The following FHIT variants were observed in gnomAD, a reference collection of about 807,000 sequenced individuals.
The protein encoded by FHIT is bis(5'-adenosyl)-triphosphatase.
A neutral mutation model predicts 17.9 loss-of-function variants in FHIT; 19 were observed. The ratio of observed to expected loss-of-function variants is 1.06; its 90% CI spans 0.74 to 1.56. FHIT has a LOEUF of 1.56. Among genes scored for constraint, FHIT ranks in the 40% most tolerant of loss-of-function variants. The probability of loss-of-function intolerance (pLI) is 0.00; values close to 1 mark genes in which losing one functional copy is unlikely to be tolerated. For synonymous variants in FHIT, 81 were observed against 69.7 expected, an observed-to-expected ratio of 1.16 and a Z score of -0.81; for missense variants, 248 against 189.2, an observed-to-expected ratio of 1.31 and a Z score of -1.82.
chr3:61,202,067 TAC>T (rs143994045), intron 1 of FHIT, among the ~76,000 whole-genome samples: 258 of 148,374 alleles, frequency 1.7e-3, no homozygotes, highest in African/African-American at 3.6e-3. Flanking sequence ...CGCACATAGA[TAC>T]ACACACACAC....
At chr3:60,122,567 G>C (rs1274729674) in intron 5 of FHIT, among the ~76,000 whole-genome samples, 1 of 152,100 alleles carries the variant, frequency 6.6e-6, no homozygotes, top group African/African-American at 2.4e-5. Flanking sequence ...ACCTCTAAGA[G>C]ATCATTTTAT....
At chr3:59,848,255 T>C (rs1280770214) in intron 8 of FHIT, among the ~76,000 whole-genome samples, 6 of 152,164 alleles carry the variant, frequency 3.9e-5, no homozygotes, top group Admixed American at 2.6e-4. Context: ...TTTGTGCCCC[T>C]TTCCCTGGAA....
At chr3:61,158,427 C>T (rs1180435339) in intron 2 of FHIT, among the ~76,000 whole-genome samples, 1 of 149,892 alleles carries the variant, frequency 6.7e-6, no homozygotes, top group African/African-American at 2.5e-5. Context: ...CAGAATATAA[C>T]TCTCTCTAGG....
At chr3:61,043,551 G>T (rs1371445788) in intron 2 of FHIT, among the ~76,000 whole-genome samples, 1 of 152,222 alleles carries the variant, frequency 6.6e-6, no homozygotes, top group East Asian at 1.9e-4. Flanking sequence ...ACCTCTGGGG[G>T]CAGGGCACAG....
At chr3:59,955,446 C>A (rs544563163) in intron 7 of FHIT, among the ~76,000 whole-genome samples, 2 of 152,336 alleles carry the variant, frequency 1.3e-5, no homozygotes, top group South Asian at 4.1e-4. Context: ...CAGCGACACA[C>A]TTTTCTCATT....
intron 5 of FHIT, among the ~76,000 whole-genome samples, chr3:60,214,236 G>A (rs1001651569): frequency 1.3e-5 from 2 of 152,182 alleles, no homozygotes; most frequent in East Asian, 3.9e-4. Context: ...AATTGTATTA[G>A]TCTAATCACC....
chr3:61,234,366 T>C (rs1279070315), intron 1 of FHIT, among the ~76,000 whole-genome samples: 3 of 152,200 alleles, frequency 2.0e-5, no homozygotes, highest in Non-Finnish European at 2.9e-5. Context: ...ACCTATATGT[T>C]GACCAAGTGG....
intron 5 of FHIT, among the ~76,000 whole-genome samples, chr3:60,390,502 G>GAGAAA (rs1311884050): frequency 6.8e-6 from 1 of 146,940 alleles, no homozygotes; most frequent in Non-Finnish European, 1.5e-5. Context: ...ATTTATAAAA[G>GAGAAA]AGAAATAAAA....
intron 4 of FHIT, among the ~76,000 whole-genome samples, chr3:60,816,895 T>C (rs1701759681): frequency 6.6e-6 from 1 of 152,034 alleles, no homozygotes; most frequent in Non-Finnish European, 1.5e-5. Context: ...GTCTGATTAC[T>C]GATATGGTTG....
At chr3:60,118,019 A>C (rs1705055725) in intron 5 of FHIT, among the ~76,000 whole-genome samples, 1 of 152,212 alleles carries the variant, frequency 6.6e-6, no homozygotes, top group African/African-American at 2.4e-5. Flanking sequence ...TGATGATCCA[A>C]GCGGTGAGTT....
chr3:60,169,303 T>C (rs898110234), intron 5 of FHIT, among the ~76,000 whole-genome samples: 38 of 152,168 alleles, frequency 2.5e-4, no homozygotes, highest in Non-Finnish European at 5.4e-4. Flanking sequence ...GGTACTGTAA[T>C]ACCCTGAAAA....
At chr3:60,167,025 C>T (rs181048784) in intron 5 of FHIT, among the ~76,000 whole-genome samples, 86 of 152,296 alleles carry the variant, frequency 5.6e-4, no homozygotes, top group African/African-American at 1.9e-3. Flanking sequence ...CCATGCTTTG[C>T]ATGGGAACTC....
chr3:61,116,527 C>T (rs1045471885), intron 2 of FHIT, among the ~76,000 whole-genome samples: 5 of 151,988 alleles, frequency 3.3e-5, no homozygotes, highest in Non-Finnish European at 7.4e-5. Flanking sequence ...AATCACTCTT[C>T]GTTCCTACAA....
intron 2 of FHIT, among the ~76,000 whole-genome samples, chr3:61,094,934 T>C (rs1249594431): frequency 6.6e-6 from 1 of 152,216 alleles, no homozygotes; most frequent in African/African-American, 2.4e-5. Context: ...TGGAATTTTA[T>C]AGTTAATATT....
At chr3:59,816,609 T>C (rs745868536) in intron 8 of FHIT, among the ~76,000 whole-genome samples, 3 of 152,004 alleles carry the variant, frequency 2.0e-5, no homozygotes, top group Non-Finnish European at 4.4e-5. Flanking sequence ...AGCAGGAAAG[T>C]GGAGCATGAA....
At chr3:60,461,617 C>A (rs1319367131) in intron 5 of FHIT, among the ~76,000 whole-genome samples, 1 of 152,146 alleles carries the variant, frequency 6.6e-6, no homozygotes, top group Non-Finnish European at 1.5e-5. Flanking sequence ...TGAAATTATT[C>A]CCTATTTGAT....
chr3:60,688,881 G>A (rs916193217), intron 4 of FHIT, among the ~76,000 whole-genome samples: 2 of 151,642 alleles, frequency 1.3e-5, no homozygotes, highest in Non-Finnish European at 2.9e-5. Flanking sequence ...ATATACTATT[G>A]GCCCTCCTTG....
At chr3:60,910,192 G>C (rs1189807595) in intron 3 of FHIT, among the ~76,000 whole-genome samples, 1 of 152,136 alleles carries the variant, frequency 6.6e-6, no homozygotes. Context: ...TGGGGGAAGT[G>C]TATGAATCTG....
intron 3 of FHIT, among the ~76,000 whole-genome samples, chr3:60,913,607 A>G (rs1706850354): frequency 6.6e-6 from 1 of 152,244 alleles, no homozygotes; most frequent in African/African-American, 2.4e-5. Flanking sequence ...AACCACCCCC[A>G]AAAGTTAGTG....
Sources: gnomAD v4.1 joint callset for allele counts (sites outside exome capture counted in the v4.1 genomes callset) on GRCh38, gnomAD v4.1.1 for gene constraint, MANE v1.5 for transcripts, NCBI Gene and HGNC (gene_info 2026-07-23, HGNC 2026-07-21) for gene names.